The following GNB4 variants were observed in gnomAD, a reference collection of about 807,000 sequenced individuals.
The protein encoded by GNB4 is guanine nucleotide-binding protein subunit beta-4.
A neutral mutation model predicts 45.2 loss-of-function variants in GNB4; 28 were observed. The ratio of observed to expected loss-of-function variants is 0.62; its 90% CI spans 0.46 to 0.85. GNB4 has a LOEUF of 0.85. Ranked by LOEUF, GNB4 falls within the 40% of genes least tolerant of loss-of-function variation. GNB4 has a pLI of 0.00. For missense variants in GNB4, 321 were observed against 425.4 expected (o/e 0.75, Z 2.16); for synonymous variants, 132 against 143.7 (o/e 0.92, Z 0.58).
At chr3:179,441,489 T>C (rs1259651325) in intron 1 of GNB4, among the ~76,000 whole-genome samples, 1 of 152,072 alleles carries the variant, frequency 6.6e-6, no homozygotes, top group Non-Finnish European at 1.5e-5. Flanking sequence ...ATTCTAGCAA[T>C]TTTGGAGGCC....
intron 1 of GNB4, among the ~76,000 whole-genome samples, chr3:179,434,652 C>G (rs181086733): frequency 5.9e-5 from 9 of 151,418 alleles, no homozygotes; most frequent in South Asian, 2.1e-4. Context: ...ACCTCGGAGG[C>G]AGAGGTTGCA....
chr3:179,439,687 C>G (rs1715549980), intron 1 of GNB4, among the ~76,000 whole-genome samples: 1 of 150,674 alleles, frequency 6.6e-6, no homozygotes, highest in Non-Finnish European at 1.5e-5. Flanking sequence ...TCTATGTTGT[C>G]TTATGTAAAA....
At chr3:179,440,881 A>AGAGAGAGAGAGAGAGG (rs34929737) in intron 1 of GNB4, among the ~76,000 whole-genome samples, 1 of 34,824 alleles carries the variant, frequency 2.9e-5, no homozygotes, top group African/African-American at 1.5e-4. Context: ...ATAGATAGAT[A>AGAGAGAGAGAGAGAGG]GAGAGAGAGA....
the GNB4 span, among the ~76,000 whole-genome samples, chr3:179,466,007 GTTTTTTTTTTTT>G: frequency 1.1e-5 from 1 of 90,912 alleles, no homozygotes; most frequent in Non-Finnish European, 2.1e-5. Context: ...TCCTCTAGTC[GTTTTTTTTTTTT>G]TTTTTTTTTG....
chr3:179,411,233 G>C (rs746766899), intron 8 of GNB4, among the ~76,000 whole-genome samples: 1 of 152,016 alleles, frequency 6.6e-6, no homozygotes, highest in Non-Finnish European at 1.5e-5. Flanking sequence ...AGCCACAAAT[G>C]AAACTATTAT....
the GNB4 span, among the ~76,000 whole-genome samples, chr3:179,467,114 A>T: frequency 6.6e-6 from 1 of 152,172 alleles, no homozygotes. Flanking sequence ...CCTGGGCTTA[A>T]ACTATCCTCC....
At chr3:179,431,961 C>A (rs529838097) in intron 1 of GNB4, among the ~76,000 whole-genome samples, 1 of 152,158 alleles carries the variant, frequency 6.6e-6, no homozygotes, top group Non-Finnish European at 1.5e-5. Context: ...CAAGTCCCTC[C>A]CTTAAAAAGA....
chr3:179,415,742 A>C (rs1714780835), intron 5 of GNB4, among the ~76,000 whole-genome samples: 1 of 152,176 alleles, frequency 6.6e-6, no homozygotes. Flanking sequence ...TACGCTTAAA[A>C]TACATTTTTT....
At chr3:179,416,382 T>C (rs1714799537) in intron 5 of GNB4, 111 bp downstream of exon 5, 3 of 650,780 alleles carry the variant, frequency 4.6e-6, no homozygotes, top group Non-Finnish European at 8.0e-6. Flanking sequence ...AAATAAACAA[T>C]AAATTTATCT....
intron 8 of GNB4, among the ~76,000 whole-genome samples, chr3:179,407,561 G>A (rs1714508039): frequency 6.6e-6 from 1 of 152,182 alleles, no homozygotes. Flanking sequence ...ATGGTGAAGG[G>A]AAGAGAAACG....
At chr3:179,409,720 G>A (rs1217595117) in intron 8 of GNB4, among the ~76,000 whole-genome samples, 1 of 149,514 alleles carries the variant, frequency 6.7e-6, no homozygotes, top group Admixed American at 6.7e-5. Flanking sequence ...TGAGGCAGGA[G>A]AATTGCTTGA....
chr3:179,507,080 A>G, the GNB4 span, among the ~76,000 whole-genome samples: 1 of 152,212 alleles, frequency 6.6e-6, no homozygotes, highest in Non-Finnish European at 1.5e-5. Context: ...ATCTGAGAGT[A>G]CTGTAGAGTC....
chr3:179,452,029 T>TA (rs1481637112), upstream of GNB4, among the ~76,000 whole-genome samples: 2 of 152,190 alleles, frequency 1.3e-5, no homozygotes, highest in African/African-American at 4.8e-5. Context: ...AAGATACTGA[T>TA]ACCTGCCTCA....
At chr3:179,497,562 G>A in the GNB4 span, among the ~76,000 whole-genome samples, 1 of 151,994 alleles carries the variant, frequency 6.6e-6, no homozygotes, top group Non-Finnish European at 1.5e-5. Context: ...AAAATGAAAA[G>A]GCAACCTATC....
chr3:179,402,369 T>G (rs758968544), intron 9 of GNB4, among the ~76,000 whole-genome samples: 1 of 152,232 alleles, frequency 6.6e-6, no homozygotes, highest in Non-Finnish European at 1.5e-5. Context: ...TGGATACTAA[T>G]TGTTTCAATC....
chr3:179,407,463 AG>A (rs1714505338), intron 8 of GNB4, among the ~76,000 whole-genome samples: 1 of 152,180 alleles, frequency 6.6e-6, no homozygotes, highest in Non-Finnish European at 1.5e-5. Context: ...TCTCAAAATA[AG>A]TAAGTAAATA....
chr3:179,428,649 A>G (rs1043005865), intron 1 of GNB4, among the ~76,000 whole-genome samples: 1 of 152,146 alleles, frequency 6.6e-6, no homozygotes, highest in East Asian at 1.9e-4. Context: ...GGGCCTCGGG[A>G]CTTTTTAAAA....
At chr3:179,468,390 G>C in the GNB4 span, among the ~76,000 whole-genome samples, 1 of 151,954 alleles carries the variant, frequency 6.6e-6, no homozygotes, top group Non-Finnish European at 1.5e-5. Flanking sequence ...AGCTGCTCGG[G>C]AGGCTGAGGC....
At chr3:179,441,788 T>C (rs1034918388) in intron 1 of GNB4, among the ~76,000 whole-genome samples, 9 of 151,438 alleles carry the variant, frequency 5.9e-5, no homozygotes, top group African/African-American at 2.2e-4. Flanking sequence ...TCACCCTATA[T>C]ACAGTCAACT....
Sources: allele counts gnomAD v4.1 joint callset (sites outside exome capture counted in the v4.1 genomes callset), GRCh38; gene constraint gnomAD v4.1.1; transcripts MANE v1.5; gene names NCBI Gene and HGNC (gene_info 2026-07-23, HGNC 2026-07-21).